Variants in MEGF10 observed in about 807,000 individuals in gnomAD.
MEGF10 encodes the protein multiple epidermal growth factor-like domains protein 10.
MEGF10 carries 86 observed loss-of-function variants against 147.5 expected under a neutral mutation model. The ratio of observed to expected loss-of-function variants is 0.58; its 90% CI spans 0.49 to 0.70. The LOEUF is 0.70. Ranked by LOEUF, MEGF10 falls within the 30% of genes least tolerant of loss-of-function variation. The pLI is 0.00. For missense variants in MEGF10, 1,329 were observed against 1,487.3 expected (o/e 0.89, Z 1.75); for synonymous variants, 478 against 525.5 (o/e 0.91, Z 1.24).
intron 6 of MEGF10, among the ~76,000 whole-genome samples, chr5:127,398,175 A>G (rs1030627669): frequency 6.6e-6 from 1 of 152,102 alleles, no homozygotes; most frequent in Non-Finnish European, 1.5e-5. Flanking sequence ...TGGCACATGT[A>G]CACCTATGTA....
intron 1 of MEGF10, among the ~76,000 whole-genome samples, chr5:127,303,124 G>A (rs1759846181): frequency 6.6e-6 from 1 of 152,062 alleles, no homozygotes; most frequent in African/African-American, 2.4e-5. Context: ...ATCACTTGAG[G>A]TCAAGAGTTT....
the MEGF10 span, among the ~76,000 whole-genome samples, chr5:127,244,086 C>T: frequency 2.0e-5 from 3 of 150,040 alleles, no homozygotes; most frequent in Non-Finnish European, 4.4e-5. Context: ...ATCCCAACTA[C>T]CTGGGAGGCT....
In MEGF10 at chr5:127,420,162, G is replaced by C. The variant is rs746841526; in HGVS notation, c.1545G>C (p.Thr515=). Reference sequence around the variant, plus strand: ...GCAACACCCTGGACGGGACCTGCACGTGTGCACCTGGATGGCGCGGGGAGA... The same window carrying C: ...GCAACACCCTGGACGGGACCTGCACCTGTGCACCTGGATGGCGCGGGGAGA... ...GACNTLDGTC[T]CAPGWRGEKC... The change falls in exon 12 of 25, where the codon ACG becomes ACC. Residue 515 remains threonine, a synonymous_variant. Coordinates refer to ENST00000503335, the MANE Select transcript of MEGF10 (RefSeq NM_001256545.2). 6 of 1,614,092 alleles carry C rather than the reference G, an allele frequency of 3.7e-6. No individual in the cohort carries two copies. The highest frequency in any genetic ancestry group is 2.2e-5 in the East Asian group (1 of 44,892).
intron 8 of MEGF10, among the ~76,000 whole-genome samples, chr5:127,404,837 T>A (rs1764265873): frequency 1.3e-5 from 2 of 152,020 alleles, no homozygotes; most frequent in African/African-American, 4.8e-5. Flanking sequence ...TGCCTCAGCC[T>A]CCCTAGTAGT....
In MEGF10 at chr5:127,344,040, T is replaced by C. The variant is rs533492868; in HGVS notation, c.319+3410T>C. On this transcript the variant is annotated intron_variant, in intron 4 of 24. Transcript: ENST00000503335. Reference sequence around the variant, plus strand: ...GAAAAGCAGGTTTCTATTCTACTTGTCCATATAAAGGAAGTCATTGTTCCT... The same window carrying C: ...GAAAAGCAGGTTTCTATTCTACTTGCCCATATAAAGGAAGTCATTGTTCCT... Among the ~76,000 whole-genome samples, 42 of 152,294 alleles carry C rather than the reference T, an allele frequency of 2.8e-4. No homozygotes were observed. In the South Asian group the frequency reaches 8.5e-3, roughly 31 times the overall value.
intron 5 of MEGF10, 134 bp downstream of exon 5, chr5:127,370,136 A>T: frequency 1.8e-6 from 1 of 567,652 alleles, no homozygotes; most frequent in Non-Finnish European, 3.1e-6. Flanking sequence ...CGACCAACTC[A>T]GTCATACAGT....
At chr5:127,247,293 G>C in the MEGF10 span, among the ~76,000 whole-genome samples, 1 of 109,264 alleles carries the variant, frequency 9.2e-6, no homozygotes, top group Non-Finnish European at 1.9e-5. Context: ...TTGGGGGGTG[G>C]GGGAGAGAGA....
intron 1 of MEGF10, among the ~76,000 whole-genome samples, chr5:127,311,311 G>A (rs1025528041): frequency 1.3e-5 from 2 of 152,144 alleles, no homozygotes; most frequent in African/African-American, 4.8e-5. Flanking sequence ...ATCTCATCTT[G>A]AAGAGCAAAC....
At chr5:127,343,505 C>A (rs75371065) in intron 4 of MEGF10, among the ~76,000 whole-genome samples, 2 of 152,028 alleles carry the variant, frequency 1.3e-5, no homozygotes, top group South Asian at 4.1e-4. Context: ...GGGACCTGAC[C>A]GGCTGTCTTC....
Position 127,457,531 on chromosome 5 carries a change from T to C in MEGF10, c.*213T>C. ...AAGGAGTTAGAGATGTGATTTCCCA[T>C]TGCTGTTAGTTTTAGAACTATACCC... On this transcript the variant is annotated 3_prime_UTR_variant, in exon 25 of 25. Transcript: ENST00000503335. 1.9e-6 allele frequency: 1 copy of C among 531,576 alleles called. No individual in the cohort carries two copies. The highest frequency in any genetic ancestry group is 3.3e-6 in the Non-Finnish European group (1 of 302,486). The allele number at this position is 531,576 out of a possible 1,614,324, so 32.9% of individuals were successfully genotyped here. A position where few individuals can be genotyped will look rare whatever the true frequency, so the allele number is the denominator to read the frequency against.
At chr5:127,325,385 A>G (rs1405540282) in intron 1 of MEGF10, among the ~76,000 whole-genome samples, 1 of 152,112 alleles carries the variant, frequency 6.6e-6, no homozygotes, top group East Asian at 1.9e-4. Flanking sequence ...TATTGTTTGT[A>G]GATTTTTTCC....
intron 9 of MEGF10, among the ~76,000 whole-genome samples, chr5:127,411,284 A>G (rs1322214161): frequency 6.6e-6 from 1 of 152,188 alleles, no homozygotes; most frequent in Non-Finnish European, 1.5e-5. Flanking sequence ...CAGGGACCAG[A>G]TACACATAAC....
At chr5:127,325,531 A>G (rs540609955) in intron 1 of MEGF10, among the ~76,000 whole-genome samples, 9 of 152,132 alleles carry the variant, frequency 5.9e-5, no homozygotes, top group African/African-American at 1.9e-4. Flanking sequence ...TTGGCTGTTT[A>G]GGTAGGTAGG....
At chr5:127,445,830 G>A (rs1765925079) in intron 20 of MEGF10, 137 bp downstream of exon 20, 2 of 700,202 alleles carry the variant, frequency 2.9e-6, no homozygotes, top group Non-Finnish European at 5.0e-6. Flanking sequence ...TTTGGAAAAG[G>A]TATACATTGC....
At chr5:127,274,681 AG>A in the MEGF10 span, among the ~76,000 whole-genome samples, 3 of 152,084 alleles carry the variant, frequency 2.0e-5, no homozygotes, top group African/African-American at 7.2e-5. Flanking sequence ...TTCTCAAGCA[AG>A]GGTTTTAAAA....
chr5:127,448,737 C>G (rs189294435), intron 21 of MEGF10, among the ~76,000 whole-genome samples: 2 of 151,746 alleles, frequency 1.3e-5, no homozygotes, highest in East Asian at 3.9e-4. Flanking sequence ...TAAGAGTCAC[C>G]TGTGATTCAC....
chr5:127,279,064 C>T, the MEGF10 span, among the ~76,000 whole-genome samples: 7 of 152,012 alleles, frequency 4.6e-5, no homozygotes, highest in East Asian at 1.9e-4. Flanking sequence ...GGGATTTTGC[C>T]GGGTGAGTAA....
At chr5:127,291,220 G>T (rs535228293) in intron 1 of MEGF10, among the ~76,000 whole-genome samples, 164 bp downstream of exon 1, 5 of 152,282 alleles carry the variant, frequency 3.3e-5, no homozygotes, top group African/African-American at 1.2e-4. Flanking sequence ...CTTCTTAAGG[G>T]TTTATTGTTG....
intron 1 of MEGF10, among the ~76,000 whole-genome samples, chr5:127,298,014 C>T (rs1258220712): frequency 3.3e-5 from 5 of 152,200 alleles, no homozygotes; most frequent in Non-Finnish European, 5.9e-5. Flanking sequence ...GCCACTCACC[C>T]AGCCACGAAT....
Sources: gnomAD v4.1 joint callset for allele counts (sites outside exome capture counted in the v4.1 genomes callset) on GRCh38, gnomAD v4.1.1 for gene constraint, MANE v1.5 for transcripts, NCBI Gene and HGNC (gene_info 2026-07-23, HGNC 2026-07-21) for gene names.